The following TENM3 variants were observed in gnomAD, a reference collection of about 807,000 sequenced individuals.
TENM3 encodes teneurin transmembrane protein 3.
In TENM3, 63 loss-of-function variants were observed where a neutral mutation model predicts 255.1. That is an observed-to-expected ratio of 0.25 (90% CI 0.20 to 0.30). The LOEUF (loss-of-function observed/expected upper bound fraction) is 0.30. TENM3 is among the 10% of genes least tolerant of loss of function. The probability of loss-of-function intolerance (pLI) is 1.00; values close to 1 mark genes in which losing one functional copy is unlikely to be tolerated. For missense variants in TENM3, 2,929 were observed against 3,461.1 expected (o/e 0.85, Z 3.86); for synonymous variants, 1,306 against 1,322.3 (o/e 0.99, Z 0.27).
At chr4:181,702,109 T>C in the TENM3 span, among the ~76,000 whole-genome samples, 1 of 152,202 alleles carries the variant, frequency 6.6e-6, no homozygotes, top group African/African-American at 2.4e-5. Flanking sequence ...ATGGTCTTGT[T>C]AACTCAACAC....
chr4:181,918,980 C>T, the TENM3 span, among the ~76,000 whole-genome samples: 1 of 152,122 alleles, frequency 6.6e-6, no homozygotes, highest in African/African-American at 2.4e-5. Context: ...ATTGAATTTT[C>T]AGATGAGATA....
chr4:182,089,625 T>C, the TENM3 span, among the ~76,000 whole-genome samples: 1 of 152,260 alleles, frequency 6.6e-6, no homozygotes, highest in Non-Finnish European at 1.5e-5. Context: ...AATATTTTTC[T>C]GTTTCTAATC....
chr4:181,448,493 G>A, the TENM3 span, among the ~76,000 whole-genome samples: 3 of 152,172 alleles, frequency 2.0e-5, no homozygotes. Context: ...TTATTAATGG[G>A]AATTTTATAC....
At chr4:182,329,345 A>G (rs1036340340) in intron 2 of TENM3, among the ~76,000 whole-genome samples, 6 of 152,180 alleles carry the variant, frequency 3.9e-5, no homozygotes, top group Middle Eastern at 3.2e-3. Flanking sequence ...ACTTGGGCAA[A>G]TGTTGCCTTG....
chr4:181,765,992 G>T, the TENM3 span, among the ~76,000 whole-genome samples: 790 of 152,298 alleles, frequency 5.2e-3, 7 homozygotes, highest in African/African-American at 0.018. Context: ...CTTCTGAAAT[G>T]AGAACAGTGA....
chr4:182,064,502 GA>G, the TENM3 span, among the ~76,000 whole-genome samples: 1 of 152,046 alleles, frequency 6.6e-6, no homozygotes, highest in East Asian at 1.9e-4. Flanking sequence ...AGAATGGCGT[GA>G]ACCCGGGAGG....
the TENM3 span, among the ~76,000 whole-genome samples, chr4:181,690,343 T>A: frequency 6.6e-6 from 1 of 152,152 alleles, no homozygotes; most frequent in Non-Finnish European, 1.5e-5. Flanking sequence ...ACCAGGGCCA[T>A]CGCTTTGTAA....
chr4:182,708,560 G>A (rs1405381125), intron 12 of TENM3, among the ~76,000 whole-genome samples: 1 of 152,196 alleles, frequency 6.6e-6, no homozygotes, highest in African/African-American at 2.4e-5. Context: ...AGCACTTTGG[G>A]AGGCCGAGGA....
intron 1 of TENM3, among the ~76,000 whole-genome samples, chr4:182,185,324 T>C (rs945468334): frequency 6.6e-6 from 1 of 152,210 alleles, no homozygotes; most frequent in African/African-American, 2.4e-5. Flanking sequence ...ATAGCATAAA[T>C]AGAGCGTTCT....
chr4:181,938,067 G>A, the TENM3 span, among the ~76,000 whole-genome samples: 1 of 152,136 alleles, frequency 6.6e-6, no homozygotes, highest in South Asian at 2.1e-4. Flanking sequence ...CCTTGGCTCT[G>A]GTTGTATGAA....
chr4:181,456,827 A>G, the TENM3 span, among the ~76,000 whole-genome samples: 1 of 151,852 alleles, frequency 6.6e-6, no homozygotes, highest in African/African-American at 2.4e-5. Context: ...GACTACATTT[A>G]TAATTGCAAG....
chr4:182,526,922 C>G (rs1739255927), intron 3 of TENM3, among the ~76,000 whole-genome samples: 1 of 151,984 alleles, frequency 6.6e-6, no homozygotes, highest in South Asian at 2.1e-4. Context: ...TTACTTGTCT[C>G]TCTTTTACCT....
the TENM3 span, among the ~76,000 whole-genome samples, chr4:181,682,876 G>A: frequency 1.3e-4 from 19 of 151,994 alleles, no homozygotes; most frequent in African/African-American, 2.4e-4. Flanking sequence ...CCAACCAAGA[G>A]GGCAGTGCCA....
intron 1 of TENM3, among the ~76,000 whole-genome samples, chr4:182,321,828 C>A (rs1196404920): frequency 1.3e-5 from 2 of 151,374 alleles, no homozygotes; most frequent in African/African-American, 4.9e-5. Context: ...TCCTATAGTC[C>A]CAGTTACTTG....
chr4:182,201,766 G>T (rs1754200512), intron 1 of TENM3, among the ~76,000 whole-genome samples: 1 of 152,122 alleles, frequency 6.6e-6, no homozygotes. Context: ...GGCTCTTGAA[G>T]TCAGATATAC....
At chr4:181,847,252 G>A in the TENM3 span, among the ~76,000 whole-genome samples, 1 of 152,174 alleles carries the variant, frequency 6.6e-6, no homozygotes, top group Non-Finnish European at 1.5e-5. Flanking sequence ...TAAACCTTTA[G>A]CATTAAGGTA....
chr4:181,979,120 A>G, the TENM3 span, among the ~76,000 whole-genome samples: 1 of 86,536 alleles, frequency 1.2e-5, no homozygotes, highest in Non-Finnish European at 2.4e-5. Flanking sequence ...ATATATATAT[A>G]TATATATATA....
chr4:181,884,551 T>C, the TENM3 span, among the ~76,000 whole-genome samples: 1 of 152,220 alleles, frequency 6.6e-6, no homozygotes, highest in Non-Finnish European at 1.5e-5. Flanking sequence ...AGTGGAATAA[T>C]ACAATATTTG....
the TENM3 span, among the ~76,000 whole-genome samples, chr4:181,700,448 G>C: frequency 6.6e-6 from 1 of 152,180 alleles, no homozygotes. Context: ...AATATGTTTC[G>C]ATATGTGATC....
Sources: allele counts gnomAD v4.1 joint callset (sites outside exome capture counted in the v4.1 genomes callset), GRCh38; gene constraint gnomAD v4.1.1; transcripts MANE v1.5; gene names NCBI Gene and HGNC (gene_info 2026-07-23, HGNC 2026-07-21).